The following PTPRM variants were observed in gnomAD, a reference collection of about 807,000 sequenced individuals.
The protein encoded by PTPRM is receptor-type tyrosine-protein phosphatase mu.
PTPRM carries 47 observed loss-of-function variants against 186.7 expected under a neutral mutation model. The ratio of observed to expected loss-of-function variants is 0.25; its 90% CI spans 0.20 to 0.32. PTPRM has a LOEUF of 0.32. Ranked by LOEUF, PTPRM falls within the 10% of genes least tolerant of loss-of-function variation. The probability of loss-of-function intolerance (pLI) is 1.00; values close to 1 mark genes in which losing one functional copy is unlikely to be tolerated. For synonymous variants in PTPRM, 668 were observed against 674.9 expected (o/e 0.99, Z 0.16); for missense variants, 1,494 against 1,865.0 (o/e 0.80, Z 3.66).
At chr18:8,088,202 CT>C (rs1389917071) in intron 10 of PTPRM, among the ~76,000 whole-genome samples, 1 of 152,178 alleles carries the variant, frequency 6.6e-6, no homozygotes, top group African/African-American at 2.4e-5. Context: ...GTGTTTTCCA[CT>C]GTCATGCTTT....
rs187837968 is a variant in PTPRM at position 7,782,449 on chromosome 18, A to G, written c.196+8178A>G. Among the ~76,000 whole-genome samples the G allele has an allele frequency of 7.9e-5, 12 of 152,316 alleles. No homozygotes were observed. In the East Asian group the frequency reaches 2.1e-3, roughly 27 times the overall value. The stretch of plus-strand genomic sequence containing the variant: ...ATGTAGTAGAATATACATAGCGTCA[A>G]ATTTACTATGTGAACCATTTTTAAG... On this transcript the variant is annotated intron_variant, in intron 2 of 32. Transcript: ENST00000580170.
chr18:7,938,660 A>C (rs2051979160), intron 5 of PTPRM, among the ~76,000 whole-genome samples: 1 of 152,160 alleles, frequency 6.6e-6, no homozygotes, highest in Non-Finnish European at 1.5e-5. Flanking sequence ...ATTTGGATTA[A>C]CTTCTAGATA....
intron 8 of PTPRM, among the ~76,000 whole-genome samples, chr18:8,073,122 G>C (rs1003472367): frequency 6.6e-6 from 1 of 152,084 alleles, no homozygotes; most frequent in Non-Finnish European, 1.5e-5. Flanking sequence ...TATACGAATT[G>C]AATGAAACAA....
chr18:8,314,920 A>G, intron 21 of PTPRM, 63 bp downstream of exon 21: 2 of 1,080,796 alleles, frequency 1.9e-6, no homozygotes, highest in South Asian at 1.4e-5. Context: ...GCTATGTATG[A>G]TATTTTGATA....
chr18:8,082,694 T>G (rs1251891010), intron 9 of PTPRM, among the ~76,000 whole-genome samples: 1 of 151,916 alleles, frequency 6.6e-6, no homozygotes, highest in Non-Finnish European at 1.5e-5. Context: ...TCCCTTCTTT[T>G]TTTTCTAAAC....
intron 14 of PTPRM, among the ~76,000 whole-genome samples, chr18:8,200,429 T>C (rs991743395): frequency 6.6e-6 from 1 of 152,242 alleles, no homozygotes; most frequent in Admixed American, 6.5e-5. Flanking sequence ...GACATTGTTG[T>C]TTTTACGCAT....
At chr18:7,743,688 G>A (rs908422131) in intron 1 of PTPRM, among the ~76,000 whole-genome samples, 4 of 152,052 alleles carry the variant, frequency 2.6e-5, no homozygotes, top group Non-Finnish European at 5.9e-5. Flanking sequence ...TTGAATATTC[G>A]GGACATAAAA....
At chr18:7,947,824 C>T (rs1410767170) in intron 5 of PTPRM, among the ~76,000 whole-genome samples, 2 of 152,126 alleles carry the variant, frequency 1.3e-5, no homozygotes, top group East Asian at 3.9e-4. Context: ...GCTCATCTTT[C>T]CTAAACCACC....
intron 19 of PTPRM, among the ~76,000 whole-genome samples, chr18:8,281,844 A>G (rs550883830): frequency 3.4e-4 from 51 of 152,172 alleles, no homozygotes; most frequent in Non-Finnish European, 1.8e-4. Context: ...GGTATTTGCA[A>G]TATTTCATAT....
At chr18:8,076,987 C>G (rs538050905) in intron 9 of PTPRM, among the ~76,000 whole-genome samples, 242 of 152,240 alleles carry the variant, frequency 1.6e-3, no homozygotes, top group African/African-American at 5.4e-3. Context: ...TGTCTCAGGA[C>G]TAACAATAGA....
intron 2 of PTPRM, among the ~76,000 whole-genome samples, chr18:7,805,283 C>T (rs569663328): frequency 6.6e-6 from 1 of 152,294 alleles, no homozygotes; most frequent in Non-Finnish European, 1.5e-5. Context: ...TCTGATGTCT[C>T]TGCTGTGCTG....
intron 1 of PTPRM, among the ~76,000 whole-genome samples, chr18:7,651,301 C>G (rs1375547332): frequency 6.6e-6 from 1 of 152,086 alleles, no homozygotes; most frequent in Admixed American, 6.6e-5. Context: ...TGAAAGAAAA[C>G]ATTGCTAAAC....
rs573996800 is a variant in PTPRM at position 8,162,058 on chromosome 18, A to G, written c.2300+18279A>G. Among the ~76,000 whole-genome samples the G allele has an allele frequency of 2.6e-5, 4 of 150,988 alleles. No homozygotes were observed. In the East Asian group the frequency reaches 5.8e-4, roughly 22 times the overall value. ...CTCAGATAGCAATATCTGTTAGAAT[A>G]CTTTTTCTCATAAGACTACAGTTAA... On this transcript the variant is annotated intron_variant, in intron 14 of 32. Coordinates refer to ENST00000580170, the MANE Select transcript of PTPRM (RefSeq NM_001105244.2).
intron 14 of PTPRM, among the ~76,000 whole-genome samples, chr18:8,221,975 A>G (rs529153581): frequency 6.6e-6 from 1 of 152,256 alleles, no homozygotes; most frequent in South Asian, 2.1e-4. Context: ...TTCTGTATGT[A>G]CCTCACTTTT....
chr18:8,353,959 C>T (rs2095549647), intron 23 of PTPRM, among the ~76,000 whole-genome samples: 1 of 152,132 alleles, frequency 6.6e-6, no homozygotes, highest in African/African-American at 2.4e-5. Flanking sequence ...CACCTGTAAT[C>T]CCAGCACTTT....
chr18:8,084,365 G>A (rs150520657), intron 9 of PTPRM, among the ~76,000 whole-genome samples: 7 of 152,208 alleles, frequency 4.6e-5, no homozygotes, highest in South Asian at 4.2e-4. Flanking sequence ...GACGTCCTTC[G>A]CTCAGCCACT....
intron 14 of PTPRM, among the ~76,000 whole-genome samples, chr18:8,199,908 ATC>A (rs1160536397): frequency 6.6e-6 from 1 of 152,226 alleles, no homozygotes; most frequent in African/African-American, 2.4e-5. Flanking sequence ...TTAACACTGT[ATC>A]CCAGTTTTCT....
intron 14 of PTPRM, among the ~76,000 whole-genome samples, chr18:8,202,616 G>A (rs6506556): frequency 0.18 from 26,971 of 151,232 alleles, 2,751 homozygotes; most frequent in Middle Eastern, 0.42. Flanking sequence ...GTAAGAAATT[G>A]GCAGGTTTCT....
intron 2 of PTPRM, among the ~76,000 whole-genome samples, chr18:7,789,885 T>A (rs961216974): frequency 6.6e-6 from 1 of 152,206 alleles, no homozygotes; most frequent in African/African-American, 2.4e-5. Context: ...AGTCTGTAGT[T>A]GTGATTAGTA....
Sources: allele counts gnomAD v4.1 joint callset (sites outside exome capture counted in the v4.1 genomes callset), GRCh38; gene constraint gnomAD v4.1.1; transcripts MANE v1.5; gene names NCBI Gene and HGNC (gene_info 2026-07-23, HGNC 2026-07-21).